Variants in TRIO observed in about 807,000 individuals in gnomAD.
TRIO encodes the protein triple functional domain protein.
A neutral mutation model predicts 351.9 loss-of-function variants in TRIO; 58 were observed. The observed-to-expected ratio is 0.16, with a 90% confidence interval of 0.13 to 0.21. TRIO has a LOEUF of 0.21. TRIO is among the 10% of genes least tolerant of loss of function. TRIO has a pLI of 1.00. For synonymous variants in TRIO, 1,758 were observed against 1,595.7 expected, an observed-to-expected ratio of 1.10 and a Z score of -2.42; for missense variants, 3,201 against 4,027.8, an observed-to-expected ratio of 0.79 and a Z score of 5.56.
At chr5:14,468,448 C>T (rs147660971) in intron 37 of TRIO, among the ~76,000 whole-genome samples, 1 of 152,240 alleles carries the variant, frequency 6.6e-6, no homozygotes, top group South Asian at 2.1e-4. Flanking sequence ...CTGGTGCCTT[C>T]CCCTCCCTTG....
In TRIO at chr5:14,497,717, C is replaced by A. The variant is rs1579835292; in HGVS notation, c.8020-130C>A. The A allele has an allele frequency of 8.4e-7, 1 of 1,186,752 alleles. No individual in the cohort carries two copies. The highest frequency in any genetic ancestry group is 1.2e-6 in the Non-Finnish European group (1 of 804,254). The allele number at this position is 1,186,752 out of a possible 1,614,324, so 73.5% of individuals were successfully genotyped here. A position where few individuals can be genotyped will look rare whatever the true frequency, so the allele number is the denominator to read the frequency against. On this transcript the variant is annotated intron_variant, in intron 50 of 56. Transcript: ENST00000344204. This position sits in a 1 kb window ranked among gnomAD's most constrained non-coding sequence, Gnocchi z 4.4. ...CTTTTGAGTGCAGTGAAAATGTGGT[C>A]TGTTTTGATTGATGCCCAGGCAAGT...
chr5:14,205,654 G>A (rs1031977574), intron 1 of TRIO, among the ~76,000 whole-genome samples: 2 of 152,182 alleles, frequency 1.3e-5, no homozygotes, highest in Non-Finnish European at 2.9e-5. Flanking sequence ...AGAATTATTA[G>A]TGTTTCAGAA....
chr5:14,348,769 G>T (rs1742692389), intron 11 of TRIO, among the ~76,000 whole-genome samples: 2 of 109,832 alleles, frequency 1.8e-5, no homozygotes, highest in African/African-American at 5.6e-5. Context: ...ATGAGCATGT[G>T]TGTTTTTCCT....
At chr5:14,310,179 A>G (rs1738791871) in intron 8 of TRIO, among the ~76,000 whole-genome samples, 1 of 152,248 alleles carries the variant, frequency 6.6e-6, no homozygotes, top group Non-Finnish European at 1.5e-5. Flanking sequence ...CATTTTTAAC[A>G]TTTTAAGTAA....
At chr5:14,301,825 C>G (rs1042682240) in intron 7 of TRIO, among the ~76,000 whole-genome samples, 1 of 152,092 alleles carries the variant, frequency 6.6e-6, no homozygotes, top group African/African-American at 2.4e-5. Flanking sequence ...GGGCGTTCAG[C>G]CTTTTGGAAA....
At chr5:14,369,980 G>C (rs183595790) in intron 18 of TRIO, among the ~76,000 whole-genome samples, 1 of 152,358 alleles carries the variant, frequency 6.6e-6, no homozygotes, top group African/African-American at 2.4e-5. Flanking sequence ...ACGGCTTGTG[G>C]TGGCAGTTGC....
chr5:14,435,117 T>C (rs1474352353), intron 34 of TRIO, among the ~76,000 whole-genome samples: 1 of 152,120 alleles, frequency 6.6e-6, no homozygotes, highest in Admixed American at 6.5e-5. Context: ...TTAGTTCAGC[T>C]AAAGACAGGG....
At chr5:14,182,863 C>CCCG (rs1491536245) in intron 1 of TRIO, among the ~76,000 whole-genome samples, 15 of 42,114 alleles carry the variant, frequency 3.6e-4, no homozygotes, top group African/African-American at 1.1e-3. Context: ...ACAGTGGAGA[C>CCCG]CCCCCCCCCT....
intron 1 of TRIO, among the ~76,000 whole-genome samples, chr5:14,224,161 G>A (rs1378534265): frequency 2.0e-5 from 3 of 151,950 alleles, no homozygotes; most frequent in African/African-American, 7.2e-5. Context: ...TTTAATGGAA[G>A]AACACATTAT....
At chr5:14,352,776 C>T (rs1265092685) in intron 11 of TRIO, among the ~76,000 whole-genome samples, 2 of 152,204 alleles carry the variant, frequency 1.3e-5, no homozygotes, top group African/African-American at 4.8e-5. Context: ...AGGATCAGTT[C>T]CTTCACGGTC....
intron 1 of TRIO, among the ~76,000 whole-genome samples, chr5:14,166,204 C>G (rs1032565839): frequency 1.3e-5 from 2 of 152,206 alleles, no homozygotes; most frequent in African/African-American, 4.8e-5. Flanking sequence ...TGGGGGTAAG[C>G]CGTGCCTGGG....
intron 1 of TRIO, among the ~76,000 whole-genome samples, chr5:14,266,666 A>T (rs954424468): frequency 3.3e-5 from 5 of 152,188 alleles, no homozygotes; most frequent in Admixed American, 6.5e-5. Flanking sequence ...TAAACATTCC[A>T]ATTTGTTTTA....
At chr5:14,318,144 A>G (rs1311008799) in intron 9 of TRIO, among the ~76,000 whole-genome samples, 2 of 147,772 alleles carry the variant, frequency 1.4e-5, no homozygotes, top group African/African-American at 5.0e-5. Flanking sequence ...AAAAAAAAAA[A>G]TTAGCCTGGC....
At chr5:14,208,851 T>G (rs774469982) in intron 1 of TRIO, among the ~76,000 whole-genome samples, 3 of 152,218 alleles carry the variant, frequency 2.0e-5, no homozygotes, top group Non-Finnish European at 4.4e-5. Context: ...AGTGGAACTC[T>G]GAACCCTCTG....
At chr5:14,183,127 T>C (rs1789895949) in intron 1 of TRIO, among the ~76,000 whole-genome samples, 1 of 152,114 alleles carries the variant, frequency 6.6e-6, no homozygotes, top group African/African-American at 2.4e-5. Flanking sequence ...GCCTGTTCCT[T>C]CTGGCCTCCT....
At chr5:14,326,289 G>A (rs575100120) in intron 9 of TRIO, among the ~76,000 whole-genome samples, 3 of 152,336 alleles carry the variant, frequency 2.0e-5, no homozygotes, top group African/African-American at 7.2e-5. Flanking sequence ...CCACCATCAC[G>A]TTCAGTCTTG....
At chr5:14,280,147 C>G (rs964430770) in intron 2 of TRIO, among the ~76,000 whole-genome samples, 175 bp from the exon 3 acceptor site, 1 of 152,202 alleles carries the variant, frequency 6.6e-6, no homozygotes, top group African/African-American at 2.4e-5. Flanking sequence ...GATTTTCTCC[C>G]AGATCCCCTG....
At position 14,375,710 on chromosome 5, in the gene TRIO, A is replaced by C. The variant is rs537475252; in HGVS notation, c.3331+1367A>C. On this transcript the variant is annotated intron_variant, in intron 19 of 56. Coordinates refer to ENST00000344204, the MANE Select transcript of TRIO (RefSeq NM_007118.4). ...GGAGCTTGAGGAAGCCCCGTATCCAAGAGGGCGCTTAGCACTGTTTGCTGC... is the reference window on the plus strand; with the variant it reads ...GGAGCTTGAGGAAGCCCCGTATCCACGAGGGCGCTTAGCACTGTTTGCTGC... Among the ~76,000 whole-genome samples the C allele has an allele frequency of 3.3e-5, 5 of 152,332 alleles. No individual in the cohort carries two copies. In the South Asian group the frequency reaches 1.0e-3, roughly 32 times the overall value.
chr5:14,307,519 G>C (rs551500654), intron 8 of TRIO, among the ~76,000 whole-genome samples: 2 of 152,338 alleles, frequency 1.3e-5, no homozygotes, highest in Admixed American at 6.5e-5. Context: ...GACTCAGGCT[G>C]TGCCTTTTTG....
Sources: gnomAD v4.1 joint callset for allele counts (sites outside exome capture counted in the v4.1 genomes callset) on GRCh38, gnomAD v4.1.1 for gene constraint, Gnocchi (gnomAD v3.1) non-coding constraint, MANE v1.5 for transcripts, NCBI Gene and HGNC (gene_info 2026-07-23, HGNC 2026-07-21) for gene names.